DKK3: variants seen among roughly 807,000 people sequenced by gnomAD.
DKK3 encodes dickkopf Wnt signaling pathway inhibitor 3.
Under a neutral mutation model 33.2 loss-of-function variants are expected in DKK3, and 22 were observed. The observed-to-expected ratio is 0.66, with a 90% CI of 0.47 to 0.95. The LOEUF is 0.95. DKK3 is among the 40% of genes least tolerant of loss of function. The pLI is 0.00. For missense variants in DKK3, 398 were observed against 458.4 expected, an observed-to-expected ratio of 0.87 and a Z score of 1.20; for synonymous variants, 194 against 188.8, an observed-to-expected ratio of 1.03 and a Z score of -0.23.
chr11:11,998,223 G>A (rs1848339880), intron 3 of DKK3: 1 of 199,256 alleles, frequency 5.0e-6, no homozygotes, highest in Non-Finnish European at 1.0e-5. Flanking sequence ...AATCACAGGG[G>A]ACCAGAGCCT....
At position 12,008,406 on chromosome 11, in the gene DKK3, C is replaced by T. The variant is rs1292992701; in HGVS notation, c.177G>A (p.Glu59=). 6.2e-7 allele frequency: 1 copy of T among 1,608,962 alleles called. No homozygotes were observed. The highest frequency in any genetic ancestry group is 1.3e-5 in the African/African-American group (1 of 74,796). The change falls in exon 1 of 7, where the codon GAG becomes GAA. Residue 59 remains glutamate, a synonymous_variant. Transcript: ENST00000683431. The surrounding 1 kb of genome is among the most constrained non-coding windows in gnomAD (Gnocchi z 4.6). ...CGCTGCGCAATTTGTGCTGCGTGTCCTCCATCAGTTCCTCAACCTCGCGGA... is the reference window on the plus strand; with the variant it reads ...CGCTGCGCAATTTGTGCTGCGTGTCTTCCATCAGTTCCTCAACCTCGCGGA... The part of the protein sequence containing the change: ...EMFREVEELM[E]DTQHKLRSAV...
intron 5 of DKK3, among the ~76,000 whole-genome samples, chr11:11,966,456 C>T (rs1386805843): frequency 3.3e-5 from 5 of 152,246 alleles, no homozygotes; most frequent in Middle Eastern, 3.4e-3. Flanking sequence ...GGGAGCAACA[C>T]CCAAAAAGCA....
chr11:11,989,974 C>T (rs1007572867), intron 3 of DKK3, among the ~76,000 whole-genome samples: 10 of 152,296 alleles, frequency 6.6e-5, no homozygotes, highest in Admixed American at 2.0e-4. Flanking sequence ...CCTGGCACAG[C>T]GCCTGACTAA....
intron 3 of DKK3, among the ~76,000 whole-genome samples, chr11:11,972,915 T>C (rs1847754873): frequency 6.6e-6 from 1 of 151,932 alleles, no homozygotes; most frequent in African/African-American, 2.4e-5. Flanking sequence ...AACTGGGCTC[T>C]GGATGGCTGA....
intron 2 of DKK3, among the ~76,000 whole-genome samples, chr11:11,999,389 T>C (rs1201781834): frequency 1.3e-5 from 2 of 152,182 alleles, no homozygotes; most frequent in African/African-American, 4.8e-5. Context: ...AAAGGTCACG[T>C]CTAATGTCTG....
chr11:11,981,046 G>T (rs1847944485), intron 3 of DKK3, among the ~76,000 whole-genome samples: 1 of 152,192 alleles, frequency 6.6e-6, no homozygotes, highest in African/African-American at 2.4e-5. Flanking sequence ...ATAGCAGGGG[G>T]CTGGAAGGCA....
intron 6 of DKK3, among the ~76,000 whole-genome samples, chr11:11,965,380 A>G (rs11022095): frequency 0.35 from 53,817 of 152,098 alleles, 9,832 homozygotes; most frequent in Non-Finnish European, 0.4. Flanking sequence ...CTTGAGCCTC[A>G]TGCCTCATGG....
intron 3 of DKK3, among the ~76,000 whole-genome samples, chr11:11,970,933 A>G (rs1847711378): frequency 2.0e-5 from 3 of 152,226 alleles, no homozygotes; most frequent in Non-Finnish European, 1.5e-5. Flanking sequence ...AATGTGTGGT[A>G]ATTTGTTACA....
chr11:11,977,428 A>G (rs923863438), intron 3 of DKK3, among the ~76,000 whole-genome samples: 7 of 151,586 alleles, frequency 4.6e-5, no homozygotes, highest in Non-Finnish European at 7.4e-5. Flanking sequence ...AGCCCTCCAC[A>G]CACAGAGCCT....
At chr11:12,001,207 C>T (rs1270399585) in intron 2 of DKK3, among the ~76,000 whole-genome samples, 1 of 152,184 alleles carries the variant, frequency 6.6e-6, no homozygotes, top group Admixed American at 6.5e-5. Flanking sequence ...ACTTTGAAAA[C>T]ATTCTTCAGT....
chr11:11,998,759 TC>T lies in DKK3; in HGVS notation c.371del (p.Gly124AspfsTer133), dbSNP rs1848355999. 1 of 1,614,052 alleles carries T rather than the reference TC, an allele frequency of 6.2e-7. No homozygotes were observed. The highest frequency in any genetic ancestry group is 8.5e-7 in the Non-Finnish European group (1 of 1,180,022). ...TAACTGTCTCTGAAAAGACCATTTG[TC>T]CAGTCTGGTTGTTGGTTATCTACAG... The part of the protein sequence containing the change: ...EIHKITNNQT[G>X]QMVFSETVIT... On this transcript the variant is annotated frameshift_variant, in exon 3 of 7. Transcript: ENST00000683431. LOFTEE classifies it high-confidence loss of function.
At chr11:11,969,921 G>A (rs1447455502) in intron 3 of DKK3, among the ~76,000 whole-genome samples, 3 of 152,204 alleles carry the variant, frequency 2.0e-5, no homozygotes, top group Non-Finnish European at 1.5e-5. Flanking sequence ...TAAGAAAACC[G>A]AGGCTCCGAG....
chr11:12,007,254 G>C (rs754143730), intron 1 of DKK3, among the ~76,000 whole-genome samples: 1 of 152,178 alleles, frequency 6.6e-6, no homozygotes, highest in Non-Finnish European at 1.5e-5. Flanking sequence ...TTGCCCAAGG[G>C]GGATACCAAG....
chr11:12,005,906 A>G (rs1209804750), intron 1 of DKK3, among the ~76,000 whole-genome samples: 1 of 152,182 alleles, frequency 6.6e-6, no homozygotes, highest in African/African-American at 2.4e-5. Context: ...GTATTTTAAG[A>G]TTAATTTTTA....
upstream of DKK3, chr11:12,009,563 G>A: frequency 1.0e-6 from 1 of 983,574 alleles, no homozygotes; most frequent in Non-Finnish European, 1.2e-6. Context: ...GGCATCCCAG[G>A]CCCGTCTTCT....
chr11:11,968,431 G>A lies in DKK3; in HGVS notation c.492C>T (p.Phe164=). Reference sequence around the variant, plus strand: ...CCCGGCATGGCTGGCAGGTGTACTGGAAGCTGGCAAACTGGCAGTACATGC... The same window carrying A: ...CCCGGCATGGCTGGCAGGTGTACTGAAAGCTGGCAAACTGGCAGTACATGC... The part of the protein sequence containing the change: ...GPSMYCQFAS[F]QYTCQPCRGQ... Residue 164 remains phenylalanine, a synonymous_variant, in exon 4 of 7, where the codon TTC becomes TTT. Coordinates refer to ENST00000683431, the MANE Select transcript of DKK3 (RefSeq NM_001018057.2). The A allele has an allele frequency of 6.2e-7, 1 of 1,613,474 alleles. No individual in the cohort carries two copies. The highest frequency in any genetic ancestry group is 8.5e-7 in the Non-Finnish European group (1 of 1,179,688).
At chr11:11,999,069 C>T (rs7104941) in intron 2 of DKK3, among the ~76,000 whole-genome samples, 33,650 of 152,034 alleles carry the variant, frequency 0.22, 4,177 homozygotes, top group Admixed American at 0.31. Context: ...CCCAGCAAAA[C>T]GCTCAAAGAT....
chr11:11,995,749 C>A (rs1848279341), intron 3 of DKK3, among the ~76,000 whole-genome samples: 1 of 152,224 alleles, frequency 6.6e-6, no homozygotes, highest in East Asian at 1.9e-4. Flanking sequence ...GTGCGTCTGC[C>A]ACTGACCTGT....
At chr11:11,996,978 G>C (rs1056603668) in intron 3 of DKK3, among the ~76,000 whole-genome samples, 4 of 152,234 alleles carry the variant, frequency 2.6e-5, no homozygotes, top group African/African-American at 9.6e-5. Flanking sequence ...ACCAGTTTCT[G>C]CCCAAGCATG....
Sources: allele counts gnomAD v4.1 joint callset (sites outside exome capture counted in the v4.1 genomes callset), GRCh38; gene constraint gnomAD v4.1.1; non-coding constraint Gnocchi (gnomAD v3.1); transcripts MANE v1.5; gene names NCBI Gene and HGNC (gene_info 2026-07-23, HGNC 2026-07-21).